Variants in DGKB observed in about 807,000 individuals in gnomAD.
DGKB encodes the protein diacylglycerol kinase beta.
DGKB carries 67 observed loss-of-function variants against 114.3 expected under a neutral mutation model. The ratio of observed to expected loss-of-function variants is 0.59; its 90% CI spans 0.48 to 0.72. The LOEUF is 0.72. DGKB is among the 30% of genes least tolerant of loss of function. The pLI is 0.00. For missense variants in DGKB, 907 were observed against 975.2 expected (o/e 0.93, Z 0.93); for synonymous variants, 398 against 323.1 (o/e 1.23, Z -2.49).
intron 13 of DGKB, among the ~76,000 whole-genome samples, chr7:14,649,592 G>A (rs922678996): frequency 6.6e-6 from 1 of 151,686 alleles, no homozygotes; most frequent in African/African-American, 2.4e-5. Flanking sequence ...ATCAACTAAC[G>A]AGCAAAATCA....
chr7:14,941,148 C>G (rs1233464175), intron 1 of DGKB, among the ~76,000 whole-genome samples: 1 of 151,822 alleles, frequency 6.6e-6, no homozygotes, highest in Non-Finnish European at 1.5e-5. Context: ...ACAAAGCCAG[C>G]TAACTTCAGT....
intron 21 of DGKB, among the ~76,000 whole-genome samples, chr7:14,413,977 C>T (rs995253783): frequency 6.6e-6 from 1 of 152,052 alleles, no homozygotes; most frequent in African/African-American, 2.4e-5. Flanking sequence ...AAGGCTAAAT[C>T]CACACTAAGT....
chr7:14,648,056 C>T (rs906321333), intron 13 of DGKB, among the ~76,000 whole-genome samples: 14 of 152,138 alleles, frequency 9.2e-5, no homozygotes, highest in Non-Finnish European at 1.6e-4. Flanking sequence ...AAGGCGGCAG[C>T]GAGGCTGGGG....
intron 23 of DGKB, among the ~76,000 whole-genome samples, chr7:14,238,534 T>C (rs1280851469): frequency 6.6e-6 from 1 of 152,044 alleles, no homozygotes; most frequent in Non-Finnish European, 1.5e-5. Flanking sequence ...AGGCTACATT[T>C]TGGGCTTAAC....
Position 14,338,536 on chromosome 7 carries a change from C to T in DGKB, c.2101G>A (p.Glu701Lys). 1 of 1,580,218 alleles carries T rather than the reference C, an allele frequency of 6.3e-7. No homozygotes were observed. The highest frequency in any genetic ancestry group is 1.2e-5 in the South Asian group (1 of 84,924). Residue 701 changes from glutamate (E) to lysine (K), a missense_variant, in exon 23 of 26, where the codon GAG becomes AAG. By Grantham distance (56) the Glu-to-Lys change is moderately conservative (BLOSUM62 1). Coordinates refer to ENST00000402815, the MANE Select transcript of DGKB (RefSeq NM_001350709.2). ...TGACCTTGACTTGCAAACTTCAACT[C>T]TTTGGCATCTGTGACGGTGGTCCTT... Reference protein sequence around the residue: ...DKRTTVTDAKELKFASQDLSD... With the variant: ...DKRTTVTDAKKLKFASQDLSD...
At chr7:14,618,589 T>C (rs1807004237) in intron 15 of DGKB, among the ~76,000 whole-genome samples, 2 of 151,600 alleles carry the variant, frequency 1.3e-5, no homozygotes, top group African/African-American at 4.8e-5. Flanking sequence ...CATTTGATCA[T>C]ATGTATTAAG....
At chr7:14,360,958 G>C (rs913399604) in intron 21 of DGKB, among the ~76,000 whole-genome samples, 5 of 151,780 alleles carry the variant, frequency 3.3e-5, no homozygotes, top group Non-Finnish European at 4.4e-5. Flanking sequence ...CCAATTTTTA[G>C]ATGCTATATT....
intron 13 of DGKB, among the ~76,000 whole-genome samples, chr7:14,641,929 A>T (rs966278597): frequency 4.6e-5 from 7 of 152,090 alleles, no homozygotes; most frequent in Non-Finnish European, 1.0e-4. Context: ...ATTAATTTGA[A>T]GTGACGTAGG....
At chr7:14,930,050 C>G (rs760304903) in intron 1 of DGKB, among the ~76,000 whole-genome samples, 7 of 152,086 alleles carry the variant, frequency 4.6e-5, no homozygotes, top group Non-Finnish European at 1.0e-4. Context: ...GGCTTTATTT[C>G]TGGGTTCTCT....
rs200533236 is a variant in DGKB, at chr7:14,754,531, CTG to C, written c.148-585_148-584del. On this transcript the variant is annotated intron_variant, in intron 3 of 25. Transcript: ENST00000402815. ...CTGCCACTTTCTTCCCATATCTCAG[CTG>C]TGAGTGGAACAATTTGGAATTGAAC... Among the ~76,000 whole-genome samples, 1,207 of 151,948 alleles carry C rather than the reference CTG, an allele frequency of 7.9e-3. 5 individuals are homozygous for C. The highest frequency in any genetic ancestry group is 0.013 in the Non-Finnish European group (871 of 67,964).
intron 23 of DGKB, among the ~76,000 whole-genome samples, chr7:14,290,283 T>C (rs1403572653): frequency 6.6e-6 from 1 of 152,182 alleles, no homozygotes; most frequent in Non-Finnish European, 1.5e-5. Flanking sequence ...AGACATATAA[T>C]TGAATTCCAG....
chr7:14,429,826 CA>C (rs1388838475), intron 21 of DGKB, among the ~76,000 whole-genome samples: 1 of 152,036 alleles, frequency 6.6e-6, no homozygotes, highest in Non-Finnish European at 1.5e-5. Flanking sequence ...AAGCCTGAGG[CA>C]GGAGAATTGC....
In DGKB at chr7:14,841,394, A is replaced by T; in HGVS notation, c.-131T>A. 1 of 709,266 alleles carries T rather than the reference A, an allele frequency of 1.4e-6. No individual in the cohort carries two copies. Among genetic ancestry groups the T allele is most frequent in the South Asian group, 2.2e-5 (1 of 45,658 alleles). The allele number at this position is 709,266 out of a possible 1,614,324, so 43.9% of individuals were successfully genotyped here. A position where few individuals can be genotyped will look rare whatever the true frequency, so the allele number is the denominator to read the frequency against. ...AATACCTCAGGCTTTCAAAATATGCAATCTGTCCACATGAAACTGCTTTGG... is the reference window on the plus strand; with the variant it reads ...AATACCTCAGGCTTTCAAAATATGCTATCTGTCCACATGAAACTGCTTTGG... On this transcript the variant is annotated 5_prime_UTR_variant, in exon 2 of 26. Transcript: ENST00000402815.
chr7:14,662,179 C>G (rs1002254980), intron 13 of DGKB, among the ~76,000 whole-genome samples: 8 of 149,172 alleles, frequency 5.4e-5, no homozygotes, highest in Admixed American at 2.0e-4. Context: ...ATGTTGTGCA[C>G]ATGTACCCTA....
At chr7:14,936,841 G>A (rs750336448) in intron 1 of DGKB, among the ~76,000 whole-genome samples, 2 of 152,068 alleles carry the variant, frequency 1.3e-5, no homozygotes, top group Non-Finnish European at 2.9e-5. Flanking sequence ...TGTTACAAAA[G>A]GGCAGAGAAT....
At chr7:14,746,582 T>C (rs981871419) in intron 4 of DGKB, among the ~76,000 whole-genome samples, 1 of 152,160 alleles carries the variant, frequency 6.6e-6, no homozygotes, top group African/African-American at 2.4e-5. Context: ...CACTGCAACT[T>C]CCGCCTCCTG....
chr7:14,574,226 A>T lies in DGKB; in HGVS notation c.1756T>A (p.Phe586Ile). ...GAGAATCTTACCACGCCAATGGAAAAGTAATTATTGATGATACTGTAAGGC... is the reference window on the plus strand; with the variant it reads ...GAGAATCTTACCACGCCAATGGAAATGTAATTATTGATGATACTGTAAGGC... ...PVPYSIINNY[F>I]SIGVDASIAH... is the part of the protein sequence containing the mutation. Residue 586 changes from phenylalanine (F) to isoleucine (I), a missense_variant, in exon 20 of 26, where the codon TTT becomes ATT. Phe to Ile is a conservative substitution (Grantham distance 21). Around this residue, in one of 3 missense-constraint regions of DGKB, gnomAD observed 814 missense variants for 856.6 expected, o/e 0.95. Transcript: ENST00000402815. 6.2e-7 allele frequency: 1 copy of T among 1,612,782 alleles called. No homozygotes were observed. Among genetic ancestry groups the T allele is most frequent in the Non-Finnish European group, 8.5e-7 (1 of 1,179,368 alleles).
At chr7:14,596,877 C>G (rs1338382867) in intron 17 of DGKB, among the ~76,000 whole-genome samples, 2 of 152,094 alleles carry the variant, frequency 1.3e-5, no homozygotes, top group African/African-American at 4.8e-5. Context: ...CATAAAAATT[C>G]TTGTAGTTAA....
At chr7:14,432,513 C>T (rs1828614479) in intron 21 of DGKB, among the ~76,000 whole-genome samples, 1 of 152,168 alleles carries the variant, frequency 6.6e-6, no homozygotes, top group Non-Finnish European at 1.5e-5. Flanking sequence ...TATTATCCTA[C>T]TTCTACTTCC....
Sources: allele counts gnomAD v4.1 joint callset (sites outside exome capture counted in the v4.1 genomes callset), GRCh38; gene constraint gnomAD v4.1.1; regional missense constraint gnomAD v4.1.1; transcripts MANE v1.5; gene names NCBI Gene and HGNC (gene_info 2026-07-23, HGNC 2026-07-21).